Variants in ADAP1 observed in about 807,000 individuals in gnomAD.
ADAP1 encodes the protein ArfGAP with dual PH domains 1.
A neutral mutation model predicts 54.9 loss-of-function variants in ADAP1; 31 were observed. The observed-to-expected ratio is 0.56, with a 90% CI of 0.42 to 0.76. The LOEUF (loss-of-function observed/expected upper bound fraction) is 0.76. Among genes scored for constraint, ADAP1 ranks in the 30% least tolerant of loss-of-function variants. ADAP1 has a pLI of 0.00. For synonymous variants in ADAP1, 313 were observed against 202.6 expected (o/e 1.55, Z -4.63); for missense variants, 535 against 512.4 (o/e 1.04, Z -0.42).
chr7:918,229 G>GT (rs1324563102), intron 4 of ADAP1, among the ~76,000 whole-genome samples: 7 of 151,876 alleles, frequency 4.6e-5, no homozygotes, highest in African/African-American at 1.7e-4. Flanking sequence ...ACCCTTTTTT[G>GT]TTTCTAAGAC....
Position 926,791 on chromosome 7 carries a change from C to T in ADAP1, c.214-147G>A. 2 of 734,240 alleles carry T rather than the reference C, an allele frequency of 2.7e-6. No homozygotes were observed. Among genetic ancestry groups the T allele is most frequent in the South Asian group, 2.0e-5 (1 of 49,820 alleles). 45.5% of individuals were successfully genotyped at this position (734,240 alleles called of 1,614,324 possible). On this transcript the variant is annotated intron_variant, in intron 2 of 10. Transcript: ENST00000265846. This position sits in a 1 kb window ranked among gnomAD's most constrained non-coding sequence, Gnocchi z 4.6. The stretch of plus-strand genomic sequence containing the variant: ...AGCACCAGGACGGGAACGCCACCTC[C>T]TCCTGCCCCAGGGACACCATTTCTG...
At chr7:953,420 C>T (rs1032347110) in intron 1 of ADAP1, among the ~76,000 whole-genome samples, 38 of 152,298 alleles carry the variant, frequency 2.5e-4, no homozygotes, top group African/African-American at 8.4e-4. Flanking sequence ...CCCCTTTTTC[C>T]GGGGTGTCCA....
intron 4 of ADAP1, among the ~76,000 whole-genome samples, chr7:911,872 A>G (rs1243091112): frequency 6.6e-6 from 1 of 151,938 alleles, no homozygotes; most frequent in Non-Finnish European, 1.5e-5. Context: ...GGGCAGCCCT[A>G]CCACCTCTGG....
intron 3 of ADAP1, chr7:923,015 G>A (rs965541497): frequency 6.6e-6 from 1 of 151,826 alleles, no homozygotes; most frequent in Non-Finnish European, 1.5e-5. Flanking sequence ...CACAGGAGCA[G>A]GGTGGCCCCC....
intron 6 of ADAP1, chr7:901,164 G>A: frequency 2.6e-6 from 1 of 383,156 alleles, no homozygotes. Flanking sequence ...CGTGGGGTGG[G>A]CCAGCACCCT....
At chr7:935,572 C>A in intron 1 of ADAP1, 67 bp from the exon 2 acceptor site, 1 of 1,535,002 alleles carries the variant, frequency 6.5e-7, no homozygotes, top group South Asian at 1.2e-5. Flanking sequence ...GTGGACGGAG[C>A]CTCGAGTCAG....
chr7:899,499 C>CAG lies in ADAP1; in HGVS notation c.796-11_796-10dup. The CAG allele has an allele frequency of 6.2e-7, 1 of 1,612,240 alleles. No homozygotes were observed. Among genetic ancestry groups the CAG allele is most frequent in the Non-Finnish European group, 8.5e-7 (1 of 1,179,544 alleles). ...CGGAAGCCTTCCGTTTGCTGTGGGT[C>CAG]AGAGAGGGCCCGTGACCGGCAGGTC... On this transcript the variant is annotated splice_polypyrimidine_tract_variant and intron_variant, in intron 8 of 10. Transcript: ENST00000265846.
Position 920,951 on chromosome 7 carries a change from G to C in ADAP1, c.306-901C>G, listed in dbSNP as rs962634577. 8 of 1,321,598 alleles carry C rather than the reference G, an allele frequency of 6.1e-6. No individual in the cohort carries two copies. Among genetic ancestry groups the C allele is most frequent in the Non-Finnish European group, 8.4e-6 (8 of 951,988 alleles). 81.9% of individuals were successfully genotyped at this position (1,321,598 alleles called of 1,614,324 possible). A position where few individuals can be genotyped will look rare whatever the true frequency, so the allele number is the denominator to read the frequency against. ...CTGGGCCCACGTGAACAGCCTTGGA[G>C]ACTGGGCGGGAATCCTCGCCCACAG... On this transcript the variant is annotated intron_variant, in intron 3 of 10. Coordinates refer to ENST00000265846, the MANE Select transcript of ADAP1 (RefSeq NM_006869.4). The surrounding 1 kb of genome is among the most constrained non-coding windows in gnomAD (Gnocchi z 4.5).
At chr7:935,109 C>G in intron 2 of ADAP1, 4 of 598,676 alleles carry the variant, frequency 6.7e-6, no homozygotes, top group Non-Finnish European at 1.3e-5. Flanking sequence ...GCACGGGAAT[C>G]GGCGACCCGC....
At chr7:955,238 G>A (rs1325159298), upstream of ADAP1, 2 of 1,508,300 alleles carry the variant, frequency 1.3e-6, no homozygotes, top group Non-Finnish European at 1.8e-6. Context: ...GAGGGGCCCC[G>A]CCGGGACTTC....
chr7:902,475 A>AATGCCT (rs1491159593), intron 6 of ADAP1, among the ~76,000 whole-genome samples: 5 of 142,258 alleles, frequency 3.5e-5, no homozygotes, highest in African/African-American at 1.1e-4. Flanking sequence ...AAAAAAAGAA[A>AATGCCT]GAAAAGAAAG....
intron 6 of ADAP1, chr7:903,908 C>A: frequency 1.8e-6 from 1 of 558,504 alleles, no homozygotes. Context: ...TGCCTTCCTG[C>A]ACCTGTCTTC....
At chr7:953,198 G>A (rs1043319374) in intron 1 of ADAP1, among the ~76,000 whole-genome samples, 1 of 152,196 alleles carries the variant, frequency 6.6e-6, no homozygotes, top group African/African-American at 2.4e-5. Context: ...CACCCCCACC[G>A]CACCATTGCA....
At position 953,441 on chromosome 7, in the gene ADAP1, A is replaced by G. The variant is rs542704137; in HGVS notation, c.82+955T>C. On this transcript the variant is annotated intron_variant, in intron 1 of 10. Coordinates refer to ENST00000265846, the MANE Select transcript of ADAP1 (RefSeq NM_006869.4). ...TTTCCGGGGTGTCCAGAGGCTGCAT[A>G]TTGAACCAGGGCCTTGGAGGCAAAT... Among the ~76,000 whole-genome samples, 8 of 152,240 alleles carry G rather than the reference A, an allele frequency of 5.3e-5. No homozygotes were observed. The South Asian group carries it at 1.2e-3, about 24-fold the overall frequency.
chr7:906,656 GGGGC>G (rs1562914980), intron 4 of ADAP1, among the ~76,000 whole-genome samples: 4 of 119,120 alleles, frequency 3.4e-5, no homozygotes, highest in East Asian at 3.0e-4. Flanking sequence ...AAGGAGAAAG[GGGGC>G]GGGAAAGGGG....
At position 904,061 on chromosome 7, in the gene ADAP1, C is replaced by T. The variant is rs369464000; in HGVS notation, c.648+65G>A. 701 of 1,594,084 alleles carry T rather than the reference C, an allele frequency of 4.4e-4. 1 individual carries two copies. The African/African-American group carries it at 7.0e-3, about 16-fold the overall frequency. On this transcript the variant is annotated intron_variant, in intron 6 of 10. Transcript: ENST00000265846. ...TACCGTCCAAGCACCCACCTTCCTG[C>T]GCCACCCGGGCCTGAGGGCCCACCC...
intron 4 of ADAP1, among the ~76,000 whole-genome samples, chr7:906,810 G>GGACATGGGTGACACGGGTGACATGGGT (rs1417356049): frequency 7.0e-6 from 1 of 143,834 alleles, no homozygotes; most frequent in East Asian, 2.1e-4. Flanking sequence ...GGACATGGGG[G>GGACATGGGTGACACGGGTGACATGGGT]GACATGGGTC....
chr7:932,609 C>T (rs1846619340), intron 2 of ADAP1, among the ~76,000 whole-genome samples: 1 of 152,172 alleles, frequency 6.6e-6, no homozygotes, highest in African/African-American at 2.4e-5. Context: ...GCCACCCTGC[C>T]CATTTTTTAG....
At chr7:931,982 G>T (rs1329186375) in intron 2 of ADAP1, among the ~76,000 whole-genome samples, 4 of 152,166 alleles carry the variant, frequency 2.6e-5, no homozygotes, top group East Asian at 1.9e-4. Flanking sequence ...AGCCAGGGGG[G>T]GCCCAGTGCA....
Sources: allele counts gnomAD v4.1 joint callset (sites outside exome capture counted in the v4.1 genomes callset), GRCh38; gene constraint gnomAD v4.1.1; non-coding constraint Gnocchi (gnomAD v3.1); transcripts MANE v1.5; gene names NCBI Gene and HGNC (gene_info 2026-07-23, HGNC 2026-07-21).